Variants in SLC22A3 observed in about 807,000 individuals in gnomAD.
SLC22A3 encodes solute carrier family 22 member 3.
SLC22A3 carries 51 observed loss-of-function variants against 59.1 expected under a neutral mutation model. The ratio of observed to expected loss-of-function variants is 0.86; its 90% CI spans 0.69 to 1.09. The LOEUF (loss-of-function observed/expected upper bound fraction) is 1.09, where lower values mean the gene tolerates loss of function less well. Ranked by LOEUF, SLC22A3 falls within the 50% of genes least tolerant of loss-of-function variation. The pLI, the probability that SLC22A3 is intolerant of heterozygous loss-of-function variation, is 0.00. For missense variants in SLC22A3, 711 were observed against 726.3 expected (o/e 0.98, Z 0.24); for synonymous variants, 325 against 292.0 (o/e 1.11, Z -1.15).
intron 5 of SLC22A3, among the ~76,000 whole-genome samples, chr6:160,436,262 T>G (rs1788330979): frequency 6.6e-6 from 1 of 152,224 alleles, no homozygotes; most frequent in Non-Finnish European, 1.5e-5. Flanking sequence ...TGAATTGAAT[T>G]GAAAAGACCA....
chr6:160,356,274 C>T lies in SLC22A3; in HGVS notation c.429+7426C>T, dbSNP rs537939172. On this transcript the variant is annotated intron_variant, in intron 1 of 10. Coordinates refer to ENST00000275300, the MANE Select transcript of SLC22A3 (RefSeq NM_021977.4). ...ACAATCATCGGCGGCCATGGCCGCC[C>T]GCAGACCTCTGGAGCAGGAGGAAAA... Among the ~76,000 whole-genome samples, 10 of 152,286 alleles carry T rather than the reference C, an allele frequency of 6.6e-5. No homozygotes were observed. In the East Asian group the frequency reaches 9.7e-4, roughly 15 times the overall value.
intron 4 of SLC22A3, among the ~76,000 whole-genome samples, chr6:160,410,090 C>T (rs1021216131): frequency 1.3e-5 from 2 of 152,226 alleles, no homozygotes; most frequent in Admixed American, 6.5e-5. Context: ...GATCTCGGCT[C>T]ACTGCAACCT....
intron 5 of SLC22A3, among the ~76,000 whole-genome samples, chr6:160,434,568 A>C (rs112945793): frequency 7.2e-5 from 11 of 152,304 alleles, no homozygotes; most frequent in African/African-American, 2.6e-4. Flanking sequence ...AATATCACAC[A>C]CTCCATAAAC....
chr6:160,400,855 G>T (rs900144363), intron 2 of SLC22A3, among the ~76,000 whole-genome samples: 1 of 151,738 alleles, frequency 6.6e-6, no homozygotes, highest in East Asian at 1.9e-4. Flanking sequence ...GAAACCAAAT[G>T]AAATGCTAGA....
chr6:160,367,012 A>C lies in SLC22A3; in HGVS notation c.429+18164A>C, dbSNP rs560024441. Among the ~76,000 whole-genome samples, 4 of 152,166 alleles carry C rather than the reference A, an allele frequency of 2.6e-5. No homozygotes were observed. In the East Asian group the frequency reaches 7.7e-4, roughly 29 times the overall value. ...ATCTCTGCTTGTTACCTAGTTCCAA[A>C]GTTGCTTCCACATTTTTGGGTATCC... is the stretch of plus-strand genomic sequence containing the variant. On this transcript the variant is annotated intron_variant, in intron 1 of 10. Transcript: ENST00000275300.
At chr6:160,377,708 C>T (rs189293256) in intron 1 of SLC22A3, among the ~76,000 whole-genome samples, 165 of 152,284 alleles carry the variant, frequency 1.1e-3, no homozygotes, top group South Asian at 6.4e-3. Flanking sequence ...GGTCAAGTCT[C>T]ACTTACTCTT....
intron 1 of SLC22A3, among the ~76,000 whole-genome samples, chr6:160,373,362 T>C (rs1030620980): frequency 6.6e-6 from 1 of 152,202 alleles, no homozygotes; most frequent in South Asian, 2.1e-4. Flanking sequence ...GATTTCTACC[T>C]GTTTCTTCCT....
chr6:160,348,975 C>G, intron 1 of SLC22A3, 127 bp downstream of exon 1: 4 of 1,517,990 alleles, frequency 2.6e-6, no homozygotes, highest in South Asian at 2.5e-5. Context: ...TCGGCTACCT[C>G]TGGGGACAGA....
At chr6:160,423,412 C>T (rs1773023789) in intron 5 of SLC22A3, among the ~76,000 whole-genome samples, 1 of 152,214 alleles carries the variant, frequency 6.6e-6, no homozygotes, top group African/African-American at 2.4e-5. Flanking sequence ...GCCACACTGT[C>T]TTCCACAATG....
At chr6:160,442,187 A>T (rs184201593) in intron 7 of SLC22A3, among the ~76,000 whole-genome samples, 3 of 152,224 alleles carry the variant, frequency 2.0e-5, no homozygotes, top group African/African-American at 7.2e-5. Context: ...GATGAAGAAG[A>T]CAATGAGTGA....
intron 9 of SLC22A3, among the ~76,000 whole-genome samples, chr6:160,447,000 T>C (rs916027300): frequency 2.0e-5 from 3 of 152,186 alleles, no homozygotes; most frequent in African/African-American, 7.2e-5. Context: ...CAATCAGGGC[T>C]TGATTGCCCA....
rs2457573 is a variant in SLC22A3, at chr6:160,448,059, A to G, written c.1610+241A>G. 0.84 allele frequency among the ~76,000 whole-genome samples: 128,453 copies of G among 152,136 alleles called. 54,426 individuals carry two copies. The highest frequency in any genetic ancestry group is 1 in the East Asian group (5,170 of 5,176). On this transcript the variant is annotated intron_variant, in intron 10 of 10. Transcript: ENST00000275300. ...GTTGTGAAGAGAGAAGCATTTTCAC[A>G]TAAGGTGCTAAGACTCAGAAGTGAT...
chr6:160,374,530 A>T (rs558672897), intron 1 of SLC22A3, among the ~76,000 whole-genome samples: 3 of 152,226 alleles, frequency 2.0e-5, no homozygotes, highest in Non-Finnish European at 2.9e-5. Context: ...CACTGGCTTC[A>T]TATGCTCATG....
At chr6:160,406,837 A>G (rs935773188) in intron 2 of SLC22A3, among the ~76,000 whole-genome samples, 1 of 152,346 alleles carries the variant, frequency 6.6e-6, no homozygotes, top group Admixed American at 6.5e-5. Context: ...AACTGCAATC[A>G]CAAAGGATGC....
intron 4 of SLC22A3, 51 bp downstream of exon 4, chr6:160,408,972 G>A (rs781446908): frequency 6.8e-7 from 1 of 1,475,004 alleles, no homozygotes; most frequent in Admixed American, 1.7e-5. Context: ...GCAGAAATTA[G>A]ACTCCAAACA....
In SLC22A3 at chr6:160,415,096, C is replaced by T. The variant is rs969927815; in HGVS notation, c.975+4250C>T. Among the ~76,000 whole-genome samples the T allele has an allele frequency of 6.6e-6, 1 of 152,148 alleles. No homozygotes were observed. Among genetic ancestry groups the T allele is most frequent in the African/African-American group, 2.4e-5 (1 of 41,438 alleles). On this transcript the variant is annotated intron_variant, in intron 5 of 10. Transcript: ENST00000275300. This position sits in a 1 kb window ranked among gnomAD's most constrained non-coding sequence, Gnocchi z 4.1. ...TGAAACATATGTCTTCAAACCGAAC[C>T]TACCCATCTTTAATCTTTTTAATTG... is the stretch of plus-strand genomic sequence containing the variant.
intron 5 of SLC22A3, among the ~76,000 whole-genome samples, chr6:160,427,792 A>C (rs1028095459): frequency 6.6e-6 from 1 of 152,158 alleles, no homozygotes; most frequent in Non-Finnish European, 1.5e-5. Flanking sequence ...TCTCATAGAC[A>C]CTCAATTTGC....
At chr6:160,353,403 A>G (rs569907793) in intron 1 of SLC22A3, among the ~76,000 whole-genome samples, 69 of 152,338 alleles carry the variant, frequency 4.5e-4, no homozygotes, top group African/African-American at 1.6e-3. Flanking sequence ...GGATACAAAG[A>G]TACACGAGTC....
chr6:160,386,380 T>G (rs1379602942), intron 1 of SLC22A3, among the ~76,000 whole-genome samples: 1 of 152,260 alleles, frequency 6.6e-6, no homozygotes, highest in Admixed American at 6.5e-5. Flanking sequence ...TGTCCCCAAT[T>G]GCATTCTTCA....
Sources: allele counts gnomAD v4.1 joint callset (sites outside exome capture counted in the v4.1 genomes callset), GRCh38; gene constraint gnomAD v4.1.1; non-coding constraint Gnocchi (gnomAD v3.1); transcripts MANE v1.5; gene names NCBI Gene and HGNC (gene_info 2026-07-23, HGNC 2026-07-21).